The following SLC4A5 variants were observed in gnomAD, a reference collection of about 807,000 sequenced individuals.
The protein encoded by SLC4A5 is electrogenic sodium bicarbonate cotransporter 4.
Under a neutral mutation model 120.4 loss-of-function variants are expected in SLC4A5, and 96 were observed. That is an observed-to-expected ratio of 0.80 (90% CI 0.68 to 0.94). The LOEUF is 0.94. Ranked by LOEUF, SLC4A5 falls within the 40% of genes least tolerant of loss-of-function variation. The pLI, the probability that SLC4A5 is intolerant of heterozygous loss-of-function variation, is 0.00. For missense variants in SLC4A5, 1,259 were observed against 1,459.5 expected (o/e 0.86, Z 2.24); for synonymous variants, 550 against 571.1 (o/e 0.96, Z 0.53).
intron 8 of SLC4A5, among the ~76,000 whole-genome samples, chr2:74,277,997 G>C (rs1289438566): frequency 1.3e-5 from 2 of 152,108 alleles, no homozygotes; most frequent in African/African-American, 4.8e-5. Context: ...CTGGGTGATG[G>C]GGACCATTCT....
exon 24 of SLC4A5, chr2:74,232,567 G>A (rs983327089): frequency 4.3e-6 from 7 of 1,613,866 alleles, no homozygotes; most frequent in Admixed American, 1.7e-5. Context: ...TGGCAGCCAC[G>A]TACCAGGGGA....
chr2:74,259,608 G>C (rs1558882756), exon 12 of SLC4A5: 1 of 1,614,200 alleles, frequency 6.2e-7, no homozygotes, highest in East Asian at 2.2e-5. Flanking sequence ...TTTGGGGTGA[G>C]AGAAATGTCA....
intron 6 of SLC4A5, chr2:74,306,894 G>T: frequency 1.6e-6 from 1 of 629,188 alleles, no homozygotes; most frequent in Non-Finnish European, 2.9e-6. Flanking sequence ...GGTGATCTCA[G>T]CCTCCAGCTT....
intron 26 of SLC4A5, chr2:74,227,526 C>T: frequency 6.2e-7 from 1 of 1,612,580 alleles, no homozygotes; most frequent in Non-Finnish European, 8.5e-7. Flanking sequence ...CTGGAGTCAG[C>T]TTCTTCTGGA....
intron 7 of SLC4A5, chr2:74,290,417 G>A (rs1229166406): frequency 1.0e-6 from 1 of 985,404 alleles, no homozygotes; most frequent in African/African-American, 1.7e-5. Flanking sequence ...GAGAGAAGAA[G>A]GGGGGTTTGA....
chr2:74,242,175 A>G, intron 19 of SLC4A5, 123 bp from the exon 20 acceptor site: 1 of 786,502 alleles, frequency 1.3e-6, no homozygotes, highest in South Asian at 1.5e-5. Flanking sequence ...TTGTGAGGGC[A>G]GCTCCCTCTC....
rs1348261594 is a variant in SLC4A5, at chr2:74,242,071, C to T, written c.2060-19G>A. On this transcript the variant is annotated intron_variant, in intron 19 of 30. Coordinates refer to ENST00000394019, the Ensembl canonical transcript of SLC4A5. Reference sequence around the variant, plus strand: ...GTATTCACTGTGGATGAGCACATGACACGGGGCAGGGTCAGCAGCTGTGGG... The same window carrying T: ...GTATTCACTGTGGATGAGCACATGATACGGGGCAGGGTCAGCAGCTGTGGG... 6.2e-7 allele frequency: 1 copy of T among 1,600,022 alleles called. No homozygotes were observed. The highest frequency in any genetic ancestry group is 1.3e-5 in the African/African-American group (1 of 74,616).
intron 6 of SLC4A5, among the ~76,000 whole-genome samples, chr2:74,310,835 C>T (rs544270449): frequency 1.3e-5 from 2 of 151,918 alleles, no homozygotes; most frequent in African/African-American, 4.8e-5. Flanking sequence ...GAAAGCATTC[C>T]TTCTGCTTCT....
chr2:74,251,641 G>A (rs756820609), intron 16 of SLC4A5, among the ~76,000 whole-genome samples: 10 of 152,188 alleles, frequency 6.6e-5, no homozygotes, highest in Non-Finnish European at 1.2e-4. Flanking sequence ...ACATGACTGG[G>A]GTCCATACAC....
chr2:74,319,483 A>C (rs1438609785), intron 5 of SLC4A5: 1 of 152,146 alleles, frequency 6.6e-6, no homozygotes, highest in African/African-American at 2.4e-5. Context: ...AAACAAAGAC[A>C]AAAACAAAGA....
At chr2:74,303,886 G>T (rs538855853) in intron 7 of SLC4A5, among the ~76,000 whole-genome samples, 11 of 147,254 alleles carry the variant, frequency 7.5e-5, no homozygotes, top group Non-Finnish European at 1.3e-4. Flanking sequence ...GTCTCGCTCT[G>T]TCGCCCAGGC....
At chr2:74,277,543 C>T (rs1671683326) in intron 8 of SLC4A5, among the ~76,000 whole-genome samples, 3 of 151,944 alleles carry the variant, frequency 2.0e-5, no homozygotes, top group Admixed American at 2.0e-4. Context: ...GGCGAGACTC[C>T]GTCTCAGAGA....
At chr2:74,330,005 G>A (rs780151726) in intron 4 of SLC4A5, among the ~76,000 whole-genome samples, 35 of 151,890 alleles carry the variant, frequency 2.3e-4, no homozygotes, top group Middle Eastern at 3.4e-3. Flanking sequence ...GGTATACATG[G>A]TGATGAGGTG....
At chr2:74,224,349 C>G (rs994300717) in intron 28 of SLC4A5, among the ~76,000 whole-genome samples, 2 of 152,144 alleles carry the variant, frequency 1.3e-5, no homozygotes, top group Admixed American at 6.5e-5. Flanking sequence ...CTGCCTCTTT[C>G]CCCATCTTTG....
At chr2:74,221,644 G>A in intron 29 of SLC4A5, 143 bp from the exon 30 acceptor site, 1 of 804,722 alleles carries the variant, frequency 1.2e-6, no homozygotes, top group Admixed American at 2.3e-5. Flanking sequence ...TCAGAGATGT[G>A]TGGCTTCGGG....
rs1468553014 is a variant in SLC4A5, at chr2:74,285,764, C to T, written c.401+9G>A. The T allele has an allele frequency of 6.2e-7, 1 of 1,608,624 alleles. No homozygotes were observed. The highest frequency in any genetic ancestry group is 1.3e-5 in the African/African-American group (1 of 74,938). On this transcript the variant is annotated intron_variant, in intron 8 of 30. Transcript: ENST00000394019. ...AAGTGCCCACCTCCCTCGTGGGGCC[C>T]CGCCTCACCTGGCTGACTCCTTCCA... is the stretch of plus-strand genomic sequence containing the variant.
In SLC4A5 at chr2:74,284,337, C is replaced by A. The variant is rs571418390; in HGVS notation, c.401+1436G>T. Among the ~76,000 whole-genome samples the A allele has an allele frequency of 9.2e-3, 1,069 of 115,808 alleles. 95 individuals carry two copies. The highest frequency in any genetic ancestry group is 0.012 in the Non-Finnish European group (728 of 63,188). 76.0% of individuals were successfully genotyped at this position (115,808 alleles called of 152,430 possible). A position where few individuals can be genotyped will look rare whatever the true frequency, so the allele number is the denominator to read the frequency against. ...GACTACAGGCGCCCGCCACCGCGCC[C>A]GGCTAATTTTTTTTTTGTATTTTTA... is the stretch of plus-strand genomic sequence containing the variant. On this transcript the variant is annotated intron_variant, in intron 8 of 30. Transcript: ENST00000394019.
chr2:74,280,529 C>G (rs1671779846), intron 8 of SLC4A5, among the ~76,000 whole-genome samples: 1 of 152,166 alleles, frequency 6.6e-6, no homozygotes, highest in Non-Finnish European at 1.5e-5. Context: ...TTGATTTCTG[C>G]ACTGGGAGCT....
At chr2:74,280,992 A>G (rs987508059) in intron 8 of SLC4A5, among the ~76,000 whole-genome samples, 9 of 152,160 alleles carry the variant, frequency 5.9e-5, no homozygotes, top group Non-Finnish European at 1.2e-4. Flanking sequence ...TGGACTATAC[A>G]GGATCTTAAT....
Sources: gnomAD v4.1 joint callset for allele counts (sites outside exome capture counted in the v4.1 genomes callset) on GRCh38, gnomAD v4.1.1 for gene constraint, MANE v1.5 for transcripts, NCBI Gene and HGNC (gene_info 2026-07-23, HGNC 2026-07-21) for gene names.